The following MAF variants were observed in gnomAD, a reference collection of about 807,000 sequenced individuals.
MAF encodes the protein MAF bZIP transcription factor, also known as transcription factor Maf.
In MAF, 10 loss-of-function variants were observed where a neutral mutation model predicts 22.0. The observed-to-expected ratio is 0.45, with a 90% CI of 0.28 to 0.77. The LOEUF is 0.77. Among genes scored for constraint, MAF ranks in the 30% least tolerant of loss-of-function variants. The pLI is 0.12. For synonymous variants in MAF, 337 were observed against 255.8 expected, an observed-to-expected ratio of 1.32 and a Z score of -3.03; for missense variants, 544 against 548.4, an observed-to-expected ratio of 0.99 and a Z score of 0.08.
the MAF span, among the ~76,000 whole-genome samples, chr16:79,222,640 T>A: frequency 1.3e-5 from 2 of 152,076 alleles, no homozygotes; most frequent in Non-Finnish European, 2.9e-5. Flanking sequence ...CCATCTCACG[T>A]GCAGAGACAC....
the MAF span, among the ~76,000 whole-genome samples, chr16:79,310,580 G>C: frequency 6.6e-6 from 1 of 152,220 alleles, no homozygotes. Flanking sequence ...CCACCACCGA[G>C]TGGGTTGAAA....
the MAF span, among the ~76,000 whole-genome samples, chr16:79,367,541 A>G: frequency 6.6e-6 from 1 of 152,192 alleles, no homozygotes; most frequent in Non-Finnish European, 1.5e-5. Flanking sequence ...GGAGGATACT[A>G]CATACTAAGT....
At chr16:79,433,252 G>C in the MAF span, among the ~76,000 whole-genome samples, 2 of 133,184 alleles carry the variant, frequency 1.5e-5, no homozygotes, top group African/African-American at 5.4e-5. Context: ...AATACATAAT[G>C]TAAGATAAGA....
the MAF span, among the ~76,000 whole-genome samples, chr16:79,535,413 T>C: frequency 6.6e-6 from 1 of 150,874 alleles, no homozygotes; most frequent in Non-Finnish European, 1.5e-5. Flanking sequence ...TCTGCTTGTT[T>C]TATGGGTCAT....
At chr16:79,206,416 G>A in the MAF span, 6,262 of 152,296 alleles carry the variant, frequency 0.041, 151 homozygotes, top group Non-Finnish European at 0.054. Flanking sequence ...CTTTGGACGA[G>A]TTGCTTTTGA....
At chr16:79,420,658 C>G in the MAF span, among the ~76,000 whole-genome samples, 8 of 152,208 alleles carry the variant, frequency 5.3e-5, no homozygotes, top group Non-Finnish European at 1.2e-4. Context: ...GGCAGTGCCC[C>G]CTTTTCCAAG....
At chr16:79,236,944 GA>G in the MAF span, among the ~76,000 whole-genome samples, 367 of 140,678 alleles carry the variant, frequency 2.6e-3, 2 homozygotes, top group African/African-American at 5.2e-3. Context: ...ATAAATCTCG[GA>G]AAAAAAAAAA....
chr16:79,302,783 G>C, the MAF span, among the ~76,000 whole-genome samples: 3 of 152,260 alleles, frequency 2.0e-5, no homozygotes, highest in Non-Finnish European at 2.9e-5. Context: ...CTTGGCGACA[G>C]TCATCCACCA....
At chr16:79,211,936 G>C in the MAF span, 1 of 1,538,146 alleles carries the variant, frequency 6.5e-7, no homozygotes, top group East Asian at 2.4e-5. Context: ...ACAACAGAGT[G>C]AAAAATCTTA....
chr16:79,592,354 T>C, downstream of MAF, among the ~76,000 whole-genome samples: 1 of 152,092 alleles, frequency 6.6e-6, no homozygotes, highest in Non-Finnish European at 1.5e-5. Flanking sequence ...GGGAAAAAAA[T>C]GCTAGACAGA....
the MAF span, among the ~76,000 whole-genome samples, chr16:79,215,733 A>C: frequency 6.6e-6 from 1 of 152,170 alleles, no homozygotes; most frequent in Non-Finnish European, 1.5e-5. Context: ...CAAACATACC[A>C]AGTGCTACAT....
At chr16:79,501,047 G>A in the MAF span, among the ~76,000 whole-genome samples, 39 of 152,286 alleles carry the variant, frequency 2.6e-4, no homozygotes, top group African/African-American at 8.9e-4. Context: ...AAGGGATCCT[G>A]TAACAGGTGG....
chr16:79,410,528 C>G, the MAF span, among the ~76,000 whole-genome samples: 1 of 152,164 alleles, frequency 6.6e-6, no homozygotes, highest in Non-Finnish European at 1.5e-5. Context: ...GAATCGTGCC[C>G]TGCGCTGGGT....
At chr16:79,262,255 G>C in the MAF span, among the ~76,000 whole-genome samples, 8 of 152,134 alleles carry the variant, frequency 5.3e-5, no homozygotes, top group African/African-American at 1.9e-4. Context: ...ACAGCCAGTA[G>C]GTATCGTCAC....
the MAF span, among the ~76,000 whole-genome samples, chr16:79,473,571 T>C: frequency 4.6e-5 from 7 of 152,258 alleles, no homozygotes; most frequent in East Asian, 1.4e-3. Context: ...ACCAGCCTCC[T>C]ACCCACTGCA....
At chr16:79,353,862 C>A in the MAF span, among the ~76,000 whole-genome samples, 243 of 152,282 alleles carry the variant, frequency 1.6e-3, 4 homozygotes, top group African/African-American at 5.5e-3. Context: ...TCATCGTTAA[C>A]ACCTAAAGCC....
the MAF span, among the ~76,000 whole-genome samples, chr16:79,382,418 A>G: frequency 6.6e-6 from 1 of 152,238 alleles, no homozygotes. Context: ...TGGGCTGTCC[A>G]GTATGGTAAC....
At chr16:79,323,903 G>A in the MAF span, among the ~76,000 whole-genome samples, 1 of 152,120 alleles carries the variant, frequency 6.6e-6, no homozygotes, top group Non-Finnish European at 1.5e-5. Flanking sequence ...TATTGCCTAC[G>A]GCGGGGTCAG....
the MAF span, among the ~76,000 whole-genome samples, chr16:79,533,398 T>C: frequency 1.3e-5 from 2 of 152,166 alleles, no homozygotes; most frequent in African/African-American, 2.4e-5. Context: ...TCTTGGACTA[T>C]AAAAATATTC....
Sources: allele counts gnomAD v4.1 joint callset (sites outside exome capture counted in the v4.1 genomes callset), GRCh38; gene constraint gnomAD v4.1.1; transcripts MANE v1.5; gene names NCBI Gene and HGNC (gene_info 2026-07-23, HGNC 2026-07-21).